Variants in VRK1 observed in about 807,000 individuals in gnomAD.
VRK1 encodes VRK serine/threonine kinase 1, also known as serine/threonine-protein kinase VRK1.
VRK1 carries 33 observed loss-of-function variants against 57.1 expected under a neutral mutation model. The observed-to-expected ratio is 0.58, with a 90% CI of 0.44 to 0.77. The LOEUF is 0.77. Ranked by LOEUF, VRK1 falls within the 30% of genes least tolerant of loss-of-function variation. The pLI is 0.00. For synonymous variants in VRK1, 137 were observed against 147.8 expected (o/e 0.93, Z 0.53); for missense variants, 413 against 477.3 (o/e 0.87, Z 1.25).
At chr14:96,809,679 T>G (rs1468097541) in intron 1 of VRK1, among the ~76,000 whole-genome samples, 3 of 151,778 alleles carry the variant, frequency 2.0e-5, no homozygotes, top group Non-Finnish European at 4.4e-5. Flanking sequence ...TTCAAGTGAT[T>G]CTCCTGCCTC....
At chr14:96,808,020 T>TCTCTCTCTCTCC (rs1566683624) in intron 1 of VRK1, among the ~76,000 whole-genome samples, 51 of 31,834 alleles carry the variant, frequency 1.6e-3, no homozygotes, top group African/African-American at 4.7e-3. Context: ...TCTCCCTCTG[T>TCTCTCTCTCTCC]GTGTGTGTGT....
chr14:96,878,313 A>C (rs914735736), intron 12 of VRK1, among the ~76,000 whole-genome samples: 2 of 152,172 alleles, frequency 1.3e-5, no homozygotes, highest in African/African-American at 4.8e-5. Context: ...TGTTTTTTTA[A>C]TTTTTAAGAT....
At position 96,833,841 on chromosome 14, in the gene VRK1, C is replaced by T. The variant is rs192037450; in HGVS notation, c.160+210C>T. Among the ~76,000 whole-genome samples, 13 of 152,286 alleles carry T rather than the reference C, an allele frequency of 8.5e-5. No homozygotes were observed. In the East Asian group the frequency reaches 9.7e-4, roughly 11 times the overall value. On this transcript the variant is annotated intron_variant, in intron 2 of 12. Coordinates refer to ENST00000216639, the MANE Select transcript of VRK1 (RefSeq NM_003384.3). Reference sequence around the variant, plus strand: ...AAAGGAGGATAAAATAGCTGTAATACTATCATTAGTGAGCACTAGGACTTT... The same window carrying T: ...AAAGGAGGATAAAATAGCTGTAATATTATCATTAGTGAGCACTAGGACTTT...
At chr14:96,838,416 T>A (rs1347484516) in intron 3 of VRK1, among the ~76,000 whole-genome samples, 2 of 152,240 alleles carry the variant, frequency 1.3e-5, no homozygotes, top group African/African-American at 4.8e-5. Flanking sequence ...TACCGTTTTT[T>A]AAGTCAATTA....
At position 96,881,494 on chromosome 14, in the gene VRK1, G is replaced by A. The variant is rs536691186; in HGVS notation, c.*286G>A. 70 of 303,718 alleles carry A rather than the reference G, an allele frequency of 2.3e-4. No individual in the cohort carries two copies. The highest frequency in any genetic ancestry group is 1.3e-3 in the African/African-American group (58 of 46,160). The allele number at this position is 303,718 out of a possible 1,614,324, so 18.8% of individuals were successfully genotyped here. On this transcript the variant is annotated 3_prime_UTR_variant, in exon 13 of 13. Coordinates refer to ENST00000216639, the MANE Select transcript of VRK1 (RefSeq NM_003384.3). ...ATATATATGAAAATTATTATGACAC[G>A]CACTTTTCTAATCATTGTACATTTC...
chr14:96,848,885 G>A (rs898642449), intron 5 of VRK1, among the ~76,000 whole-genome samples: 13 of 152,284 alleles, frequency 8.5e-5, no homozygotes, highest in African/African-American at 3.1e-4. Flanking sequence ...TCGCTTAAAT[G>A]TTAAAACCTA....
intron 7 of VRK1, 100 bp downstream of exon 7, chr14:96,853,266 G>C (rs958662250): frequency 1.0e-6 from 1 of 963,064 alleles, no homozygotes; most frequent in African/African-American, 1.6e-5. Flanking sequence ...TTTACTTTTT[G>C]AAGTAGATAT....
At chr14:96,803,005 T>TA (rs1885723774) in intron 1 of VRK1, among the ~76,000 whole-genome samples, 1 of 152,122 alleles carries the variant, frequency 6.6e-6, no homozygotes, top group Non-Finnish European at 1.5e-5. Flanking sequence ...AGGTGGGGTG[T>TA]AAATCATCCC....
intron 9 of VRK1, 31 bp downstream of exon 9, chr14:96,856,281 A>T: frequency 1.2e-6 from 2 of 1,608,826 alleles, no homozygotes; most frequent in Non-Finnish European, 1.7e-6. Flanking sequence ...TTTCTAGCAA[A>T]ATCATGATAA....
chr14:96,803,196 G>A (rs1444513965), intron 1 of VRK1, among the ~76,000 whole-genome samples: 2 of 147,852 alleles, frequency 1.4e-5, no homozygotes, highest in African/African-American at 5.0e-5. Context: ...TTTGAGGCAG[G>A]TCTCTTATCT....
At chr14:96,826,805 G>A (rs1886814404) in intron 1 of VRK1, among the ~76,000 whole-genome samples, 1 of 152,148 alleles carries the variant, frequency 6.6e-6, no homozygotes, top group African/African-American at 2.4e-5. Flanking sequence ...TTTGAGCAGG[G>A]ACTTCTGGTT....
chr14:96,801,374 A>T (rs182293186), intron 1 of VRK1, among the ~76,000 whole-genome samples: 1 of 152,354 alleles, frequency 6.6e-6, no homozygotes, highest in African/African-American at 2.4e-5. Flanking sequence ...GTTTCACAAT[A>T]TTAAGTGTTA....
At chr14:96,861,607 C>A (rs979653399) in intron 11 of VRK1, among the ~76,000 whole-genome samples, 19 of 152,060 alleles carry the variant, frequency 1.2e-4, no homozygotes, top group African/African-American at 4.6e-4. Flanking sequence ...TCTTTAAAAT[C>A]AGACGCAGCA....
chr14:96,858,449 AT>A (rs1888254638), intron 10 of VRK1, among the ~76,000 whole-genome samples: 1 of 152,056 alleles, frequency 6.6e-6, no homozygotes, highest in Non-Finnish European at 1.5e-5. Flanking sequence ...ATGATATTCT[AT>A]TGTAGTTACA....
chr14:96,858,431 A>G (rs1166967470), intron 10 of VRK1, among the ~76,000 whole-genome samples: 2 of 152,032 alleles, frequency 1.3e-5, no homozygotes, highest in Non-Finnish European at 2.9e-5. Flanking sequence ...CCTCATTGTC[A>G]TTTCTATATG....
intron 1 of VRK1, among the ~76,000 whole-genome samples, chr14:96,827,798 G>A (rs1019983411): frequency 6.6e-6 from 1 of 152,132 alleles, no homozygotes; most frequent in African/African-American, 2.4e-5. Flanking sequence ...AATGGACACT[G>A]ACTGTTATCA....
chr14:96,857,762 A>T (rs997043965), intron 10 of VRK1, among the ~76,000 whole-genome samples: 1 of 152,164 alleles, frequency 6.6e-6, no homozygotes, highest in African/African-American at 2.4e-5. Flanking sequence ...TCCTGACCTT[A>T]TGCTATTTAA....
intron 10 of VRK1, 120 bp from the exon 11 acceptor site, chr14:96,860,437 A>T (rs962608377): frequency 2.2e-5 from 20 of 923,464 alleles, no homozygotes; most frequent in Non-Finnish European, 3.2e-5. Flanking sequence ...ATTGAAAAAA[A>T]TAGGTATCTT....
intron 1 of VRK1, among the ~76,000 whole-genome samples, chr14:96,831,261 G>A (rs537329461): frequency 6.6e-6 from 1 of 152,314 alleles, no homozygotes; most frequent in East Asian, 1.9e-4. Flanking sequence ...GAGATAAAGG[G>A]ATACTGTCCC....
Sources: allele counts gnomAD v4.1 joint callset (sites outside exome capture counted in the v4.1 genomes callset), GRCh38; gene constraint gnomAD v4.1.1; transcripts MANE v1.5; gene names NCBI Gene and HGNC (gene_info 2026-07-23, HGNC 2026-07-21).